Variants in DNAH9 observed in about 807,000 individuals in gnomAD.
DNAH9 encodes dynein axonemal heavy chain 9, also known as DNAH9 variant protein.
In DNAH9, 345 loss-of-function variants were observed where a neutral mutation model predicts 471.6. That is an observed-to-expected ratio of 0.73 (90% CI 0.67 to 0.80). The LOEUF (loss-of-function observed/expected upper bound fraction) is 0.80. Ranked by LOEUF, DNAH9 falls within the 30% of genes least tolerant of loss-of-function variation. The pLI is 0.00. For missense variants in DNAH9, 5,407 were observed against 5,609.2 expected (o/e 0.96, Z 1.15); for synonymous variants, 2,093 against 2,123.6 (o/e 0.99, Z 0.40).
intron 61 of DNAH9, among the ~76,000 whole-genome samples, chr17:11,907,178 G>A (rs1025435524): frequency 2.6e-5 from 4 of 152,110 alleles, no homozygotes; most frequent in African/African-American, 9.7e-5. Flanking sequence ...CAGACTTAAA[G>A]AGTCTGTCCT....
intron 27 of DNAH9, among the ~76,000 whole-genome samples, chr17:11,725,854 A>G (rs143407068): frequency 0.024 from 3,694 of 152,144 alleles, 71 homozygotes; most frequent in East Asian, 0.086. Context: ...GTGACAGAGC[A>G]AGACTCCATC....
chr17:11,622,039 T>G (rs549910696), intron 6 of DNAH9, among the ~76,000 whole-genome samples: 1 of 149,232 alleles, frequency 6.7e-6, no homozygotes, highest in African/African-American at 2.5e-5. Context: ...TGAGCTGAGA[T>G]CGCGCCACTG....
At chr17:11,760,870 C>T (rs922625934) in intron 35 of DNAH9, among the ~76,000 whole-genome samples, 5 of 152,174 alleles carry the variant, frequency 3.3e-5, no homozygotes, top group Admixed American at 6.5e-5. Flanking sequence ...TGCAGCTCCG[C>T]GATGCTCCCC....
chr17:11,614,234 C>G (rs2191071), intron 4 of DNAH9, among the ~76,000 whole-genome samples: 1 of 152,152 alleles, frequency 6.6e-6, no homozygotes, highest in Non-Finnish European at 1.5e-5. Flanking sequence ...TAAATAGATA[C>G]ACTATGTGCA....
intron 42 of DNAH9, among the ~76,000 whole-genome samples, chr17:11,795,980 C>T (rs1475471308): frequency 6.6e-6 from 1 of 152,200 alleles, no homozygotes. Context: ...TTCCACTATT[C>T]AAAGCTTAAG....
At position 11,651,332 on chromosome 17, in the gene DNAH9, G is replaced by A. The variant is rs749513881; in HGVS notation, c.2353+8G>A. On this transcript the variant is annotated splice_region_variant and intron_variant, in intron 13 of 68. Coordinates refer to ENST00000262442, the MANE Select transcript of DNAH9 (RefSeq NM_001372.4). ...TGAACTGGAAAACAGAAGGTAACAG[G>A]GCACCATCTGAAGTCTGACAAAAAC... 3.0e-5 allele frequency: 49 copies of A among 1,608,704 alleles called. No individual in the cohort carries two copies. In the Admixed American group the frequency reaches 8.2e-4, roughly 27 times the overall value.
intron 41 of DNAH9, among the ~76,000 whole-genome samples, chr17:11,791,675 C>T (rs996743434): frequency 6.6e-6 from 1 of 152,104 alleles, no homozygotes; most frequent in African/African-American, 2.4e-5. Flanking sequence ...TGCACCACTG[C>T]ACTCCAGTCT....
intron 4 of DNAH9, among the ~76,000 whole-genome samples, chr17:11,615,802 A>G (rs978002500): frequency 2.6e-5 from 4 of 152,206 alleles, no homozygotes; most frequent in African/African-American, 4.8e-5. Context: ...GAAAGCTCCT[A>G]TAGCATGATA....
chr17:11,946,199 C>CAAAAAAAAAA (rs34028612), intron 67 of DNAH9, among the ~76,000 whole-genome samples: 1 of 47,328 alleles, frequency 2.1e-5, no homozygotes, highest in Non-Finnish European at 4.0e-5. Context: ...GAGTCCATCT[C>CAAAAAAAAAA]AAAAAAAAAA....
rs1332408556 is a variant in DNAH9 at position 11,598,922 on chromosome 17, G to A, written c.417+7G>A. The stretch of plus-strand genomic sequence containing the variant: ...AGCCGCGCTGTTCTCGGAGGTGAGG[G>A]TGGGTTAGTGTCCCCGCGCGGCTAA... On this transcript the variant is annotated splice_region_variant and intron_variant, in intron 1 of 68. Transcript: ENST00000262442. 2 of 1,501,202 alleles carry A rather than the reference G, an allele frequency of 1.3e-6. No homozygotes were observed. The highest frequency in any genetic ancestry group is 1.8e-6 in the Non-Finnish European group (2 of 1,129,138). 93.0% of individuals were successfully genotyped at this position (1,501,202 alleles called of 1,614,324 possible). A position where few individuals can be genotyped will look rare whatever the true frequency, so the allele number is the denominator to read the frequency against.
rs538935475 is a variant in DNAH9, at chr17:11,819,727, A to G, written c.8708-2193A>G. Among the ~76,000 whole-genome samples, 30 of 152,332 alleles carry G rather than the reference A, an allele frequency of 2.0e-4. No individual in the cohort carries two copies. The South Asian group carries it at 3.1e-3, about 16-fold the overall frequency. On this transcript the variant is annotated intron_variant, in intron 45 of 68. Transcript: ENST00000262442. ...TGAAAAATGGCAATGTTGAGAAAGA[A>G]CCAGAAAGAGTGATTTGTTCCACTG... is the stretch of plus-strand genomic sequence containing the variant.
At position 11,689,711 on chromosome 17, in the gene DNAH9, A is replaced by T; in HGVS notation, c.3889A>T (p.Lys1297Ter). ...CTATAAGCAGCTGAGGCAGTGCAGG[A>T]AGGAGGTCTGCCAGCTGAAGGAGCT... ...PDYKQLRQCR[K>*]EVCQLKELWD... The change falls in exon 20 of 69, where the codon AAG becomes TAG. Residue 1297 changes from lysine to a stop codon, truncating the protein, a stop_gained. Transcript: ENST00000262442. LOFTEE classifies it high-confidence loss of function. 1 of 1,614,192 alleles carries T rather than the reference A, an allele frequency of 6.2e-7. No individual in the cohort carries two copies. The highest frequency in any genetic ancestry group is 8.5e-7 in the Non-Finnish European group (1 of 1,180,028).
chr17:11,694,474 G>T (rs1388546509), intron 22 of DNAH9, 27 bp downstream of exon 22: 1 of 1,612,922 alleles, frequency 6.2e-7, no homozygotes, highest in South Asian at 1.1e-5. Context: ...TCTGCAGAAA[G>T]GTCTAGGAGG....
chr17:11,759,228 T>G (rs191966949), intron 35 of DNAH9, among the ~76,000 whole-genome samples: 3 of 152,084 alleles, frequency 2.0e-5, no homozygotes. Flanking sequence ...ACCACCTGAA[T>G]AGCATACATT....
chr17:11,907,545 G>T (rs1037876809), intron 61 of DNAH9, among the ~76,000 whole-genome samples: 3 of 152,090 alleles, frequency 2.0e-5, no homozygotes, highest in Middle Eastern at 3.4e-3. Flanking sequence ...TCCCATCATG[G>T]CCTGAACTAG....
At chr17:11,874,217 C>G (rs1434623763) in intron 52 of DNAH9, among the ~76,000 whole-genome samples, 2 of 138,074 alleles carry the variant, frequency 1.4e-5, no homozygotes, top group Non-Finnish European at 3.0e-5. Flanking sequence ...TGCACTCCAG[C>G]CTGTGTGACA....
chr17:11,664,737 T>C lies in DNAH9; in HGVS notation c.2596-96T>C, dbSNP rs566574735. On this transcript the variant is annotated intron_variant, in intron 14 of 68. Coordinates refer to ENST00000262442, the MANE Select transcript of DNAH9 (RefSeq NM_001372.4). ...ATAGCAAATTCTCCACAAGAGAGTTTTTTTCTCCATATGTTGTTTTTATTT... is the reference window on the plus strand; with the variant it reads ...ATAGCAAATTCTCCACAAGAGAGTTCTTTTCTCCATATGTTGTTTTTATTT... The C allele has an allele frequency of 8.6e-5, 89 of 1,033,912 alleles. No homozygotes were observed. The East Asian group carries it at 2.0e-3, about 23-fold the overall frequency. The allele number at this position is 1,033,912 out of a possible 1,614,324, so 64.0% of individuals were successfully genotyped here.
Position 11,778,928 on chromosome 17 carries a change from C to T in DNAH9, c.7553-2081C>T, listed in dbSNP as rs189350803. 2.7e-3 allele frequency among the ~76,000 whole-genome samples: 413 copies of T among 152,198 alleles called. 1 individual carries two copies. Among genetic ancestry groups the T allele is most frequent in the African/African-American group, 9.7e-3 (404 of 41,528 alleles). Reference sequence around the variant, plus strand: ...GGCTGAGGCAGGAGAATTGCTTGAACCCAGGAGGCAGAGGTTGCAGTAAGC... The same window carrying T: ...GGCTGAGGCAGGAGAATTGCTTGAATCCAGGAGGCAGAGGTTGCAGTAAGC... On this transcript the variant is annotated intron_variant, in intron 38 of 68. Coordinates refer to ENST00000262442, the MANE Select transcript of DNAH9 (RefSeq NM_001372.4).
At chr17:11,759,913 C>G (rs1336010991) in intron 35 of DNAH9, among the ~76,000 whole-genome samples, 1 of 152,142 alleles carries the variant, frequency 6.6e-6, no homozygotes, top group Admixed American at 6.6e-5. Context: ...ATCTTGATCT[C>G]TTGACCTTGT....
Sources: allele counts gnomAD v4.1 joint callset (sites outside exome capture counted in the v4.1 genomes callset), GRCh38; gene constraint gnomAD v4.1.1; transcripts MANE v1.5; gene names NCBI Gene and HGNC (gene_info 2026-07-23, HGNC 2026-07-21).